The following MBD5 variants were observed in gnomAD, a reference collection of about 807,000 sequenced individuals.
The protein encoded by MBD5 is methyl-CpG-binding domain protein 5.
A neutral mutation model predicts 117.3 loss-of-function variants in MBD5; 13 were observed. That is an observed-to-expected ratio of 0.11 (90% CI 0.07 to 0.18). The LOEUF (loss-of-function observed/expected upper bound fraction) is 0.18, where lower values mean the gene tolerates loss of function less well. MBD5 is among the 10% of genes least tolerant of loss of function. The pLI is 1.00. For synonymous variants in MBD5, 727 were observed against 766.4 expected (o/e 0.95, Z 0.85); for missense variants, 1,879 against 2,093.8 (o/e 0.90, Z 2.00).
chr2:148,417,165 C>G (rs1451895303), intron 4 of MBD5, among the ~76,000 whole-genome samples: 5 of 152,164 alleles, frequency 3.3e-5, no homozygotes, highest in Non-Finnish European at 5.9e-5. Flanking sequence ...CTCTGTCACC[C>G]AGGCTGGAGT....
chr2:148,416,347 T>G (rs1306751596), intron 4 of MBD5, among the ~76,000 whole-genome samples: 1 of 152,104 alleles, frequency 6.6e-6, no homozygotes, highest in Non-Finnish European at 1.5e-5. Context: ...AGGGCCAAGG[T>G]GTACTCAATC....
chr2:148,102,700 TCACACACACA>T (rs72105542), intron 1 of MBD5, among the ~76,000 whole-genome samples: 2,496 of 131,740 alleles, frequency 0.019, 57 homozygotes, highest in African/African-American at 0.053. Flanking sequence ...GAGAGAGAGA[TCACACACACA>T]CACACACACA....
chr2:148,308,334 T>C (rs1455315033), intron 3 of MBD5, among the ~76,000 whole-genome samples: 1 of 152,184 alleles, frequency 6.6e-6, no homozygotes, highest in Non-Finnish European at 1.5e-5. Context: ...ATTGCCATTC[T>C]AACTGGCATG....
chr2:148,074,058 G>T (rs562846014), intron 1 of MBD5, among the ~76,000 whole-genome samples: 65 of 151,468 alleles, frequency 4.3e-4, no homozygotes, highest in African/African-American at 1.5e-3. Flanking sequence ...CTAATATAAA[G>T]ATATCAATAA....
intron 4 of MBD5, among the ~76,000 whole-genome samples, chr2:148,450,716 T>C (rs549632216): frequency 6.6e-6 from 1 of 152,240 alleles, no homozygotes; most frequent in South Asian, 2.1e-4. Flanking sequence ...TCAAAGCAAA[T>C]CACAAGGCCT....
chr2:148,391,411 A>G (rs921081361), intron 4 of MBD5, among the ~76,000 whole-genome samples: 1 of 152,200 alleles, frequency 6.6e-6, no homozygotes, highest in African/African-American at 2.4e-5. Flanking sequence ...TAAATGACTC[A>G]ATGACTTAAT....
chr2:148,064,372 C>G (rs1426505050), intron 1 of MBD5, among the ~76,000 whole-genome samples: 4 of 151,378 alleles, frequency 2.6e-5, no homozygotes, highest in Non-Finnish European at 5.9e-5. Context: ...GCCTCGGCCT[C>G]CCAAAGTGCT....
At chr2:148,094,906 G>A (rs115633375) in intron 1 of MBD5, among the ~76,000 whole-genome samples, 1 of 152,246 alleles carries the variant, frequency 6.6e-6, no homozygotes, top group Non-Finnish European at 1.5e-5. Flanking sequence ...GTACTTTGCT[G>A]CACAACAGGA....
chr2:148,189,516 G>T (rs1436566401), intron 2 of MBD5, among the ~76,000 whole-genome samples: 1 of 51,466 alleles, frequency 1.9e-5, no homozygotes, highest in African/African-American at 6.5e-5. Flanking sequence ...CACACAGCAG[G>T]GTATTCCAAC....
At chr2:148,289,320 A>T (rs1421712517) in intron 3 of MBD5, among the ~76,000 whole-genome samples, 1 of 152,180 alleles carries the variant, frequency 6.6e-6, no homozygotes, top group African/African-American at 2.4e-5. Flanking sequence ...TTCTTCTTTC[A>T]ATATAGGTTA....
rs1049935347 is a variant in MBD5, at chr2:148,445,852, C to T, written c.-556-12351C>T. Among the ~76,000 whole-genome samples, 50 of 151,466 alleles carry T rather than the reference C, an allele frequency of 3.3e-4. 1 individual carries two copies. The highest frequency in any genetic ancestry group is 5.4e-4 in the African/African-American group (22 of 40,824). ...CTAACTGGTGTGAGATGGTATCTCA[C>T]TGTGGTTTTGATTTGCATTTCTCTA... On this transcript the variant is annotated intron_variant, in intron 4 of 13. Coordinates refer to ENST00000642680, the MANE Select transcript of MBD5 (RefSeq NM_001378120.1).
intron 4 of MBD5, among the ~76,000 whole-genome samples, chr2:148,393,143 G>T (rs913522054): frequency 6.6e-6 from 1 of 152,096 alleles, no homozygotes; most frequent in African/African-American, 2.4e-5. Flanking sequence ...TAAAGGCCTT[G>T]TAAAATTATT....
chr2:148,058,414 C>G (rs1008634993), intron 1 of MBD5, among the ~76,000 whole-genome samples: 11 of 151,836 alleles, frequency 7.2e-5, no homozygotes, highest in African/African-American at 2.7e-4. Flanking sequence ...TTCTATCGGT[C>G]TTTTTTCAGT....
At chr2:148,407,366 GTGTT>G (rs1490911158) in intron 4 of MBD5, among the ~76,000 whole-genome samples, 1 of 151,426 alleles carries the variant, frequency 6.6e-6, no homozygotes, top group African/African-American at 2.4e-5. Flanking sequence ...GTGTGTGTGT[GTGTT>G]TGTGTGTGTG....
chr2:148,142,152 G>T (rs944895382), intron 1 of MBD5, among the ~76,000 whole-genome samples: 4 of 151,978 alleles, frequency 2.6e-5, no homozygotes, highest in Non-Finnish European at 5.9e-5. Flanking sequence ...CACAAAAGAA[G>T]AACCAAAACA....
At chr2:148,058,294 A>G (rs190239076) in intron 1 of MBD5, among the ~76,000 whole-genome samples, 405 of 152,182 alleles carry the variant, frequency 2.7e-3, no homozygotes, top group Non-Finnish European at 5.1e-3. Context: ...TCTTTTCCAG[A>G]TAGTGAATCC....
intron 1 of MBD5, among the ~76,000 whole-genome samples, chr2:148,098,371 T>A (rs1266641964): frequency 6.6e-6 from 1 of 152,190 alleles, no homozygotes; most frequent in South Asian, 2.1e-4. Context: ...CATGTTTGAG[T>A]TGGAAACATT....
intron 1 of MBD5, among the ~76,000 whole-genome samples, chr2:148,090,676 C>G (rs1471687925): frequency 5.9e-5 from 9 of 151,964 alleles, no homozygotes; most frequent in African/African-American, 1.9e-4. Flanking sequence ...CCAAAGACAG[C>G]ATAGAAGGGA....
intron 1 of MBD5, among the ~76,000 whole-genome samples, chr2:148,108,333 T>C (rs1190845532): frequency 6.6e-6 from 1 of 152,182 alleles, no homozygotes; most frequent in African/African-American, 2.4e-5. Flanking sequence ...AGGATTATAA[T>C]GGTACCTTTT....
Sources: gnomAD v4.1 joint callset for allele counts (sites outside exome capture counted in the v4.1 genomes callset) on GRCh38, gnomAD v4.1.1 for gene constraint, MANE v1.5 for transcripts, NCBI Gene and HGNC (gene_info 2026-07-23, HGNC 2026-07-21) for gene names.